TRPM8: variants seen among roughly 807,000 people sequenced by gnomAD.
TRPM8 encodes the protein transient receptor potential cation channel subfamily M member 8.
Under a neutral mutation model 133.7 loss-of-function variants are expected in TRPM8, and 110 were observed. That is an observed-to-expected ratio of 0.82 (90% CI 0.70 to 0.96). The LOEUF is 0.96. TRPM8 is among the 40% of genes least tolerant of loss of function. TRPM8 has a pLI of 0.00. For synonymous variants in TRPM8, 535 were observed against 532.3 expected (o/e 1.01, Z -0.07); for missense variants, 1,291 against 1,379.5 (o/e 0.94, Z 1.02).
At chr2:233,987,415 G>T (rs1692172239) in intron 21 of TRPM8, among the ~76,000 whole-genome samples, 1 of 152,178 alleles carries the variant, frequency 6.6e-6, no homozygotes, top group South Asian at 2.1e-4. Context: ...ATAAGGAAAA[G>T]ACAATTGTCA....
At position 233,970,682 on chromosome 2, in the gene TRPM8, G is replaced by C. The variant is rs952017822; in HGVS notation, c.2355+256G>C. On this transcript the variant is annotated intron_variant, in intron 17 of 25. Coordinates refer to ENST00000324695, the MANE Select transcript of TRPM8 (RefSeq NM_024080.5). ...TGATGGAGATGAATTAGTCAGGAAT[G>C]GGGGAGTGTTCAAAGAGAAGAGAGA... 7.6e-6 allele frequency: 4 copies of C among 524,942 alleles called. No individual in the cohort carries two copies. The Admixed American group carries it at 9.6e-5, about 13-fold the overall frequency. The allele number at this position is 524,942 out of a possible 1,614,324, so 32.5% of individuals were successfully genotyped here.
At chr2:233,933,932 C>T (rs767832770) in intron 3 of TRPM8, 1 of 167,086 alleles carries the variant, frequency 6.0e-6, no homozygotes, top group Non-Finnish European at 1.5e-5. Context: ...CTGAGTGATG[C>T]CCTGGGAACT....
At position 233,995,882 on chromosome 2, in the gene TRPM8, T is replaced by A. The variant is rs989800028; in HGVS notation, c.2940-444T>A. Among the ~76,000 whole-genome samples, 25 of 152,230 alleles carry A rather than the reference T, an allele frequency of 1.6e-4. 1 individual carries two copies. The highest frequency in any genetic ancestry group is 8.5e-4 in the Admixed American group (13 of 15,296). On this transcript the variant is annotated intron_variant, in intron 21 of 25. Coordinates refer to ENST00000324695, the MANE Select transcript of TRPM8 (RefSeq NM_024080.5). ...AGTCATTGGGTCAAAGGGATGAACA[T>A]TTTTAAGGCTCTTGATAAACACTAA...
chr2:233,932,184 A>G (rs1000290672), intron 3 of TRPM8, among the ~76,000 whole-genome samples: 1 of 152,256 alleles, frequency 6.6e-6, no homozygotes, highest in African/African-American at 2.4e-5. Context: ...TGAAAAGCAC[A>G]GCCAGATCCA....
intron 1 of TRPM8, among the ~76,000 whole-genome samples, chr2:233,922,900 G>A (rs1431095246): frequency 6.6e-6 from 1 of 151,946 alleles, no homozygotes. Flanking sequence ...ACAGAGTCTC[G>A]CTCTGTCACC....
At chr2:233,950,289 C>A in intron 9 of TRPM8, 143 bp downstream of exon 9, 1 of 768,984 alleles carries the variant, frequency 1.3e-6, no homozygotes, top group Non-Finnish European at 2.1e-6. Context: ...AGGTGTCTTG[C>A]TGGAAACTGA....
chr2:233,957,507 C>T (rs1287153310), intron 11 of TRPM8, among the ~76,000 whole-genome samples: 2 of 150,504 alleles, frequency 1.3e-5, no homozygotes, highest in Non-Finnish European at 3.0e-5. Flanking sequence ...CAAACACACA[C>T]AAAAAAAACC....
intron 12 of TRPM8, among the ~76,000 whole-genome samples, chr2:233,962,149 G>A (rs183833950): frequency 1.3e-5 from 2 of 152,278 alleles, no homozygotes; most frequent in East Asian, 3.9e-4. Flanking sequence ...GATAAATCTG[G>A]ATATTCACTT....
chr2:233,942,444 C>G lies in TRPM8; in HGVS notation c.527-132C>G, dbSNP rs571664015. 83 of 843,320 alleles carry G rather than the reference C, an allele frequency of 9.8e-5. 1 individual carries two copies. In the African/African-American group the frequency reaches 1.2e-3, roughly 13 times the overall value. The allele number at this position is 843,320 out of a possible 1,614,324, so 52.2% of individuals were successfully genotyped here. A position where few individuals can be genotyped will look rare whatever the true frequency, so the allele number is the denominator to read the frequency against. The stretch of plus-strand genomic sequence containing the variant: ...TCTGAGGTCCCCTCTCCTTCCTTGC[C>G]ATACGACATAGCTGCCAGTGCTGTG... On this transcript the variant is annotated intron_variant, in intron 5 of 25. Coordinates refer to ENST00000324695, the MANE Select transcript of TRPM8 (RefSeq NM_024080.5).
chr2:233,937,533 G>A (rs775002291), intron 4 of TRPM8, 24 bp downstream of exon 4: 4 of 1,602,144 alleles, frequency 2.5e-6, no homozygotes, highest in Non-Finnish European at 3.4e-6. Flanking sequence ...TTCTACTTTG[G>A]CAGCTAATTC....
rs1691135368 is a variant in TRPM8, at chr2:233,950,019, T to C, written c.1013T>C (p.Val338Ala). ...VVEGSGQIAD[V>A]IASLVEVEDA... is the part of the protein sequence containing the mutation. Reference sequence around the variant, plus strand: ...GAAGGCTCGGGCCAGATCGCTGATGTGATCGCTAGCCTGGTGGAGGTGGAG... The same window carrying C: ...GAAGGCTCGGGCCAGATCGCTGATGCGATCGCTAGCCTGGTGGAGGTGGAG... Residue 338 changes from valine (V) to alanine (A), a missense_variant, in exon 9 of 26, where the codon GTG becomes GCG. Transcript: ENST00000324695. 1.2e-6 allele frequency: 2 copies of C among 1,614,208 alleles called. No homozygotes were observed. The highest frequency in any genetic ancestry group is 1.7e-6 in the Non-Finnish European group (2 of 1,180,038).
rs553755017 is a variant in TRPM8 at position 233,974,733 on chromosome 2, G to A, written c.2355+4307G>A. Among the ~76,000 whole-genome samples, 422 of 152,260 alleles carry A rather than the reference G, an allele frequency of 2.8e-3. 1 individual carries two copies. The highest frequency in any genetic ancestry group is 4.8e-3 in the Non-Finnish European group (325 of 68,026). On this transcript the variant is annotated intron_variant, in intron 17 of 25. Transcript: ENST00000324695. The stretch of plus-strand genomic sequence containing the variant: ...CAGCAGAGTTTGCTGGAAGAGGCAC[G>A]GCATCTGTAGGAACTGGAGCAGCAC...
chr2:233,962,945 T>C (rs116641805), intron 12 of TRPM8, among the ~76,000 whole-genome samples: 2,184 of 152,288 alleles, frequency 0.014, 47 homozygotes, highest in African/African-American at 0.05. Context: ...TTTGAAGAAT[T>C]TTTTTCTAGA....
chr2:233,929,784 G>C (rs1468412237), intron 2 of TRPM8: 2 of 152,214 alleles, frequency 1.3e-5, no homozygotes, highest in Admixed American at 6.5e-5. Flanking sequence ...CAATATTCAG[G>C]AACGGTTGTA....
chr2:233,997,673 C>G (rs1559547261), intron 22 of TRPM8, among the ~76,000 whole-genome samples: 2 of 152,144 alleles, frequency 1.3e-5, no homozygotes, highest in Non-Finnish European at 2.9e-5. Flanking sequence ...TGGCTCCCCC[C>G]TACCCCAGCC....
chr2:233,969,600 T>G (rs1388726752), intron 15 of TRPM8, 95 bp from the exon 16 acceptor site: 2 of 750,926 alleles, frequency 2.7e-6, no homozygotes, highest in African/African-American at 3.5e-5. Context: ...CTGTGTATTT[T>G]GGGGAAAGTG....
chr2:234,011,594 C>A (rs1692838304), intron 24 of TRPM8, among the ~76,000 whole-genome samples: 1 of 152,016 alleles, frequency 6.6e-6, no homozygotes, highest in South Asian at 2.1e-4. Context: ...AATCCATGAA[C>A]ATGGGATGTT....
chr2:233,983,111 T>C lies in TRPM8; in HGVS notation c.2648T>C (p.Val883Ala). 1 of 1,614,164 alleles carries C rather than the reference T, an allele frequency of 6.2e-7. No homozygotes were observed. The highest frequency in any genetic ancestry group is 8.5e-7 in the Non-Finnish European group (1 of 1,180,020). The part of the protein sequence containing the change: ...LFAVWMVAFG[V>A]ARQGILRQNE... ...GCGGTGTGGATGGTGGCCTTTGGCGTGGCCAGGCAAGGGATCCTTAGGCAG... is the reference window on the plus strand; with the variant it reads ...GCGGTGTGGATGGTGGCCTTTGGCGCGGCCAGGCAAGGGATCCTTAGGCAG... Residue 883 changes from valine (V) to alanine (A), a missense_variant, in exon 20 of 26, where the codon GTG (valine) becomes GCG (alanine). Transcript: ENST00000324695.
rs192494844 is a variant in TRPM8 at position 233,939,506 on chromosome 2, G to A, written c.526+331G>A. ...TTCAGGGGAATTGGAAAGGACAGTT[G>A]TAATTCGCTTGTTCTGTAATTGTGA... is the stretch of plus-strand genomic sequence containing the variant. On this transcript the variant is annotated intron_variant, in intron 5 of 25. Coordinates refer to ENST00000324695, the MANE Select transcript of TRPM8 (RefSeq NM_024080.5). Among the ~76,000 whole-genome samples the A allele has an allele frequency of 2.3e-3, 345 of 152,290 alleles. 5 individuals are homozygous for A. The highest frequency in any genetic ancestry group is 0.017 in the Middle Eastern group (5 of 294).
Sources: gnomAD v4.1 joint callset for allele counts (sites outside exome capture counted in the v4.1 genomes callset) on GRCh38, gnomAD v4.1.1 for gene constraint, MANE v1.5 for transcripts, NCBI Gene and HGNC (gene_info 2026-07-23, HGNC 2026-07-21) for gene names.